The following ARMH3 variants were observed in gnomAD, a reference collection of about 807,000 sequenced individuals.
The protein encoded by ARMH3 is armadillo-like helical domain-containing protein 3.
In ARMH3, 60 loss-of-function variants were observed where a neutral mutation model predicts 99.1. The observed-to-expected ratio is 0.61, with a 90% confidence interval of 0.49 to 0.75. The LOEUF is 0.75. ARMH3 is among the 30% of genes least tolerant of loss of function. The pLI, the probability that ARMH3 is intolerant of heterozygous loss-of-function variation, is 0.00. For synonymous variants in ARMH3, 285 were observed against 292.8 expected, an observed-to-expected ratio of 0.97 and a Z score of 0.27; for missense variants, 679 against 843.1, an observed-to-expected ratio of 0.81 and a Z score of 2.41.
intron 1 of ARMH3, among the ~76,000 whole-genome samples, chr10:102,052,915 C>T (rs1029893619): frequency 2.0e-5 from 3 of 152,066 alleles, no homozygotes; most frequent in Non-Finnish European, 4.4e-5. Context: ...CCCTATGCCT[C>T]TTTCCATACC....
chr10:101,968,555 C>T (rs1372330357), intron 20 of ARMH3, among the ~76,000 whole-genome samples: 1 of 152,200 alleles, frequency 6.6e-6, no homozygotes, highest in Non-Finnish European at 1.5e-5. Flanking sequence ...TGACAAAATG[C>T]TCATGGGCCT....
chr10:101,962,740 G>A (rs1334021598), intron 20 of ARMH3, among the ~76,000 whole-genome samples: 2 of 152,130 alleles, frequency 1.3e-5, no homozygotes, highest in Non-Finnish European at 2.9e-5. Flanking sequence ...AAATCATGCT[G>A]GGGAGAAGAA....
intron 23 of ARMH3, among the ~76,000 whole-genome samples, chr10:101,898,048 T>C (rs527454818): frequency 1.4e-4 from 22 of 152,212 alleles, no homozygotes; most frequent in African/African-American, 5.3e-4. Flanking sequence ...AAGATAAGCA[T>C]GGAAATGTTC....
intron 19 of ARMH3, among the ~76,000 whole-genome samples, chr10:101,989,578 G>C (rs545497814): frequency 6.6e-6 from 1 of 152,080 alleles, no homozygotes; most frequent in East Asian, 1.9e-4. Flanking sequence ...AAAATTAGCA[G>C]GGCATGGTGG....
intron 23 of ARMH3, among the ~76,000 whole-genome samples, chr10:101,939,658 C>G (rs1039662106): frequency 4.6e-5 from 7 of 152,130 alleles, no homozygotes; most frequent in Non-Finnish European, 8.8e-5. Context: ...CACAGAACAG[C>G]CAGCACTTTG....
At chr10:101,936,491 CA>C (rs202009727) in intron 23 of ARMH3, among the ~76,000 whole-genome samples, 3,918 of 56,028 alleles carry the variant, frequency 0.07, 102 homozygotes, top group African/African-American at 0.18. Context: ...GACTCTGTCT[CA>C]AAAAAAAAAA....
intron 19 of ARMH3, among the ~76,000 whole-genome samples, chr10:101,980,019 CT>C (rs991237598): frequency 3.3e-5 from 5 of 152,212 alleles, no homozygotes; most frequent in African/African-American, 1.2e-4. Context: ...TAAATTAGGA[CT>C]TTTTTAGTTA....
In ARMH3 at chr10:101,958,557, T is replaced by C. The variant is rs372922964; in HGVS notation, c.1496-825A>G. On this transcript the variant is annotated intron_variant, in intron 20 of 25. Transcript: ENST00000370033. ...GTCCTGCTTCTCTGCCCATCTCAGA[T>C]AATGCCCCTGTACCTACCTCCCCTA... is the stretch of plus-strand genomic sequence containing the variant. 1.1e-4 allele frequency among the ~76,000 whole-genome samples: 16 copies of C among 152,306 alleles called. No homozygotes were observed. The South Asian group carries it at 3.1e-3, about 30-fold the overall frequency.
At chr10:101,921,277 G>A (rs1480122543) in intron 23 of ARMH3, among the ~76,000 whole-genome samples, 2 of 152,196 alleles carry the variant, frequency 1.3e-5, no homozygotes, top group Non-Finnish European at 2.9e-5. Context: ...CTGTTCATAT[G>A]TAGTTCCAGA....
At position 102,009,983 on chromosome 10, in the gene ARMH3, G is replaced by A; in HGVS notation, c.872C>T (p.Ser291Leu). ...AAGAATGTCAGGCACTTACTGTACT[G>A]AGATTTTCTCATGGGCATCTGCTAT... ...MFIADAHEKI[S>L]VQTNEAILLA... is the part of the protein sequence containing the mutation. The change falls in exon 12 of 26, where the codon TCA (serine) becomes TTA (leucine). Residue 291 changes from serine to leucine, a missense_variant. By Grantham distance (145) the Ser-to-Leu change is moderately radical. Coordinates refer to ENST00000370033, the MANE Select transcript of ARMH3 (RefSeq NM_024541.3). 6.2e-7 allele frequency: 1 copy of A among 1,613,956 alleles called. No homozygotes were observed. The highest frequency in any genetic ancestry group is 8.5e-7 in the Non-Finnish European group (1 of 1,179,896).
At chr10:101,996,420 A>C (rs1847057040) in intron 15 of ARMH3, among the ~76,000 whole-genome samples, 3 of 152,234 alleles carry the variant, frequency 2.0e-5, no homozygotes. Context: ...TACAATCCAC[A>C]AATATACTCA....
intron 22 of ARMH3, among the ~76,000 whole-genome samples, chr10:101,946,503 G>C (rs899311802): frequency 6.6e-6 from 1 of 152,098 alleles, no homozygotes; most frequent in Non-Finnish European, 1.5e-5. Flanking sequence ...CACATATTTA[G>C]AAGTAAAATA....
chr10:101,891,604 C>T (rs2067693178), intron 23 of ARMH3, among the ~76,000 whole-genome samples: 1 of 152,098 alleles, frequency 6.6e-6, no homozygotes, highest in African/African-American at 2.4e-5. Flanking sequence ...TGGACCCTGG[C>T]ACAGCAAGAG....
intron 24 of ARMH3, among the ~76,000 whole-genome samples, chr10:101,879,171 G>T (rs1012505317): frequency 1.3e-5 from 2 of 151,958 alleles, no homozygotes; most frequent in Non-Finnish European, 2.9e-5. Context: ...GACACACTTA[G>T]GTTGTCACAT....
chr10:101,922,971 G>A (rs561800224), intron 23 of ARMH3, among the ~76,000 whole-genome samples: 19 of 152,182 alleles, frequency 1.2e-4, no homozygotes, highest in African/African-American at 4.6e-4. Flanking sequence ...TAGTGAAAAT[G>A]CATTAGTACA....
At chr10:101,947,668 C>T (rs752750285) in intron 22 of ARMH3, among the ~76,000 whole-genome samples, 5 of 151,950 alleles carry the variant, frequency 3.3e-5, no homozygotes, top group Admixed American at 1.3e-4. Flanking sequence ...GGTGTGGTGG[C>T]GCATGCCTGT....
intron 23 of ARMH3, among the ~76,000 whole-genome samples, chr10:101,899,099 G>C (rs1413662119): frequency 6.6e-6 from 1 of 152,144 alleles, no homozygotes; most frequent in African/African-American, 2.4e-5. Context: ...TGTGACTTTG[G>C]GCAAGAGACC....
chr10:101,939,994 T>C, intron 22 of ARMH3, 56 bp from the exon 23 acceptor site: 6 of 1,458,216 alleles, frequency 4.1e-6, no homozygotes, highest in Admixed American at 1.7e-5. Context: ...AACACAAACA[T>C]GAGGAATGAA....
intron 23 of ARMH3, among the ~76,000 whole-genome samples, chr10:101,906,222 A>C (rs1266895074): frequency 1.3e-5 from 2 of 152,160 alleles, no homozygotes; most frequent in Non-Finnish European, 1.5e-5. Flanking sequence ...ACTGCAATCA[A>C]CGTTGTTGTT....
Sources: gnomAD v4.1 joint callset for allele counts (sites outside exome capture counted in the v4.1 genomes callset) on GRCh38, gnomAD v4.1.1 for gene constraint, MANE v1.5 for transcripts, NCBI Gene and HGNC (gene_info 2026-07-23, HGNC 2026-07-21) for gene names.